Variants in VAV1 observed in about 807,000 individuals in gnomAD.
The protein encoded by VAV1 is proto-oncogene vav.
A neutral mutation model predicts 128.1 loss-of-function variants in VAV1; 33 were observed. That is an observed-to-expected ratio of 0.26 (90% CI 0.20 to 0.34). VAV1 has a LOEUF of 0.34. Among genes scored for constraint, VAV1 ranks in the 10% least tolerant of loss-of-function variants. The pLI, the probability that VAV1 is intolerant of heterozygous loss-of-function variation, is 1.00. For missense variants in VAV1, 715 were observed against 1,093.7 expected (o/e 0.65, Z 4.88); for synonymous variants, 394 against 409.8 (o/e 0.96, Z 0.47).
In VAV1 at chr19:6,834,048, CACATTGGGCCG is replaced by C. The variant is rs968824160; in HGVS notation, c.1777+96_1777+106del. 20 of 1,563,924 alleles carry C rather than the reference CACATTGGGCCG, an allele frequency of 1.3e-5. No individual in the cohort carries two copies. In the African/African-American group the frequency reaches 2.4e-4, roughly 19 times the overall value. On this transcript the variant is annotated intron_variant, in intron 19 of 26. Transcript: ENST00000602142. The stretch of plus-strand genomic sequence containing the variant: ...AGATCTCCATAATCATATTAACAGC[CACATTGGGCCG>C]GGTGCAATAGCTCACACCTGTAATC...
chr19:6,836,852 A>T (rs1455570118), intron 20 of VAV1, 133 bp from the exon 21 acceptor site: 3 of 64,324 alleles, frequency 4.7e-5, no homozygotes, highest in Admixed American at 4.8e-4. Context: ...ACACACACAC[A>T]CACACACACA....
chr19:6,802,156 C>T (rs1399695616), intron 1 of VAV1, among the ~76,000 whole-genome samples: 1 of 151,310 alleles, frequency 6.6e-6, no homozygotes, highest in African/African-American at 2.4e-5. Context: ...CACATGGGCA[C>T]AGGAAGGGGA....
chr19:6,851,362 T>G (rs1407543393), intron 24 of VAV1, among the ~76,000 whole-genome samples: 1 of 152,012 alleles, frequency 6.6e-6, no homozygotes, highest in Non-Finnish European at 1.5e-5. Flanking sequence ...ATTTTTTTTT[T>G]GTAGAGATGG....
rs780976071 is a variant in VAV1, at chr19:6,833,190, C to T, written c.1515C>T (p.Asn505=). The change falls in exon 16 of 27, where the codon AAC becomes AAT. Residue 505 remains asparagine, a synonymous_variant. Transcript: ENST00000602142. ...TTTAATTTTCCCCTGCCAGCTCCAA[C>T]ATCTATCCGGAGAATGCCACCGCCA... ...WMEQFEMAIS[N]IYPENATANG... 3 of 1,598,894 alleles carry T rather than the reference C, an allele frequency of 1.9e-6. No homozygotes were observed. Among genetic ancestry groups the T allele is most frequent in the Non-Finnish European group, 2.6e-6 (3 of 1,174,116 alleles).
intron 1 of VAV1, among the ~76,000 whole-genome samples, chr19:6,785,962 GATTTCTT>G (rs986686105): frequency 2.2e-4 from 33 of 152,016 alleles, no homozygotes; most frequent in Admixed American, 7.2e-4. Context: ...GCCCAGCCCA[GATTTCTT>G]ATCTGAGAGA....
intron 1 of VAV1, among the ~76,000 whole-genome samples, chr19:6,809,287 G>A (rs776946455): frequency 1.3e-5 from 2 of 151,992 alleles, no homozygotes; most frequent in Non-Finnish European, 2.9e-5. Flanking sequence ...TTGCCAGGCT[G>A]GTCTTGAACT....
Position 6,833,145 on chromosome 19 carries a change from G to C in VAV1, c.1509-39G>C, listed in dbSNP as rs1972127590. ...CAGCCATAAAAAGGAATAAAATACTGACCTTCTTTTTTTTTTTTTTTTAAT... is the reference window on the plus strand; with the variant it reads ...CAGCCATAAAAAGGAATAAAATACTCACCTTCTTTTTTTTTTTTTTTTAAT... On this transcript the variant is annotated intron_variant, in intron 15 of 26. Coordinates refer to ENST00000602142, the MANE Select transcript of VAV1 (RefSeq NM_005428.4). 2.0e-6 allele frequency: 3 copies of C among 1,467,242 alleles called. No individual in the cohort carries two copies. The East Asian group carries it at 6.8e-5, about 33-fold the overall frequency. 90.9% of individuals were successfully genotyped at this position (1,467,242 alleles called of 1,614,324 possible). A position where few individuals can be genotyped will look rare whatever the true frequency, so the allele number is the denominator to read the frequency against.
At chr19:6,819,536 G>C (rs1884377679) in intron 1 of VAV1, among the ~76,000 whole-genome samples, 1 of 152,222 alleles carries the variant, frequency 6.6e-6, no homozygotes, top group South Asian at 2.1e-4. Context: ...GTGTGGAACA[G>C]TATTTTGCTC....
At chr19:6,844,432 G>T (rs1230000274) in intron 22 of VAV1, among the ~76,000 whole-genome samples, 1 of 152,020 alleles carries the variant, frequency 6.6e-6, no homozygotes, top group African/African-American at 2.4e-5. Flanking sequence ...GGCCAGGCTG[G>T]TCTCGAACTC....
At chr19:6,780,184 C>A (rs968562220) in intron 1 of VAV1, among the ~76,000 whole-genome samples, 1 of 149,560 alleles carries the variant, frequency 6.7e-6, no homozygotes, top group South Asian at 2.2e-4. Context: ...CATTTTCCAG[C>A]TCCTCTGCTG....
chr19:6,782,723 T>C (rs1970791747), intron 1 of VAV1, among the ~76,000 whole-genome samples: 1 of 151,846 alleles, frequency 6.6e-6, no homozygotes, highest in South Asian at 2.1e-4. Flanking sequence ...CTACAAAATA[T>C]ATATATATAT....
chr19:6,800,927 G>A lies in VAV1; in HGVS notation c.205-19775G>A, dbSNP rs533639380. 2.0e-5 allele frequency among the ~76,000 whole-genome samples: 3 copies of A among 152,184 alleles called. No individual in the cohort carries two copies. The Middle Eastern group carries it at 0.01, about 518-fold the overall frequency. ...CAGGCGTGAGCCACCGCACCCAGCC[G>A]CTCACCATCTCTTTGTCGCCTGCAT... is the stretch of plus-strand genomic sequence containing the variant. On this transcript the variant is annotated intron_variant, in intron 1 of 26. Transcript: ENST00000602142.
chr19:6,842,275 A>G (rs1972397826), intron 21 of VAV1, among the ~76,000 whole-genome samples: 1 of 152,120 alleles, frequency 6.6e-6, no homozygotes. Context: ...ATAAAACAAA[A>G]AAGAAAGTGA....
At chr19:6,798,339 C>T (rs919377706) in intron 1 of VAV1, among the ~76,000 whole-genome samples, 5 of 151,986 alleles carry the variant, frequency 3.3e-5, no homozygotes, top group East Asian at 3.9e-4. Context: ...TTTTCAGAAA[C>T]GGTCTTGGCA....
chr19:6,821,805 A>C lies in VAV1; in HGVS notation c.395A>C (p.Glu132Ala). 6.2e-7 allele frequency: 1 copy of C among 1,614,066 alleles called. No homozygotes were observed. The highest frequency in any genetic ancestry group is 8.5e-7 in the Non-Finnish European group (1 of 1,179,988). ...TGACCCCCCAGGCCCTTCCCCACCG[A>C]GGAGGAGAGTGTAGGTGATGAAGAC... ...QNRGIMPFPT[E>A]EESVGDEDIY... is the part of the protein sequence containing the mutation. Residue 132 changes from glutamate (E) to alanine (A), a missense_variant, in exon 4 of 27, where the codon GAG (glutamate) becomes GCG (alanine). Glu to Ala is a moderately radical substitution (Grantham distance 107). Around this residue, in one of 3 missense-constraint regions of VAV1, gnomAD observed 302 missense variants for 477.8 expected, o/e 0.63. Coordinates refer to ENST00000602142, the MANE Select transcript of VAV1 (RefSeq NM_005428.4).
intron 1 of VAV1, among the ~76,000 whole-genome samples, chr19:6,795,972 C>T (rs973519131): frequency 1.3e-5 from 2 of 152,134 alleles, no homozygotes; most frequent in African/African-American, 4.8e-5. Flanking sequence ...GGTGAGCCAC[C>T]GCACCCGGCT....
At chr19:6,776,280 C>G (rs1005391054) in intron 1 of VAV1, among the ~76,000 whole-genome samples, 11 of 135,574 alleles carry the variant, frequency 8.1e-5, no homozygotes, top group Non-Finnish European at 1.7e-4. Flanking sequence ...ATTCATCTAT[C>G]CACTCATCCA....
At position 6,811,716 on chromosome 19, in the gene VAV1, T is replaced by C. The variant is rs78454493; in HGVS notation, c.205-8986T>C. On this transcript the variant is annotated intron_variant, in intron 1 of 26. Transcript: ENST00000602142. ...CAAGAGAAGCTGGAATGGAGATCCA[T>C]GAGGTCTCTGAGGATCAGACAGACA... Among the ~76,000 whole-genome samples, 5 of 152,274 alleles carry C rather than the reference T, an allele frequency of 3.3e-5. No individual in the cohort carries two copies. In the South Asian group the frequency reaches 1.0e-3, roughly 32 times the overall value.
rs1012438752 is a variant in VAV1, at chr19:6,826,720, C to T, written c.927+9C>T. 10 of 1,539,990 alleles carry T rather than the reference C, an allele frequency of 6.5e-6. No homozygotes were observed. The highest frequency in any genetic ancestry group is 1.4e-5 in the African/African-American group (1 of 73,018). ...TGCAGATGAAGCTGGAGGTGGGCGC[C>T]GGGCCACTTCTCGGGGGCCTCTCCC... On this transcript the variant is annotated intron_variant, in intron 9 of 26. Coordinates refer to ENST00000602142, the MANE Select transcript of VAV1 (RefSeq NM_005428.4). This position sits in a 1 kb window ranked among gnomAD's most constrained non-coding sequence, Gnocchi z 4.1.
Sources: allele counts gnomAD v4.1 joint callset (sites outside exome capture counted in the v4.1 genomes callset), GRCh38; gene constraint gnomAD v4.1.1; regional missense constraint gnomAD v4.1.1; non-coding constraint Gnocchi (gnomAD v3.1); transcripts MANE v1.5; gene names NCBI Gene and HGNC (gene_info 2026-07-23, HGNC 2026-07-21).